Variants in PLXNA1 observed in about 807,000 individuals in gnomAD.
PLXNA1 encodes plexin-A1.
Under a neutral mutation model 191.7 loss-of-function variants are expected in PLXNA1, and 77 were observed. The ratio of observed to expected loss-of-function variants is 0.40; its 90% CI spans 0.33 to 0.49. The LOEUF (loss-of-function observed/expected upper bound fraction) is 0.49. PLXNA1 is among the 20% of genes least tolerant of loss of function. The pLI is 0.63. For synonymous variants in PLXNA1, 1,137 were observed against 1,156.4 expected (o/e 0.98, Z 0.34); for missense variants, 2,110 against 2,660.2 (o/e 0.79, Z 4.55).
chr3:126,989,335 T>C lies in PLXNA1; in HGVS notation c.742T>C (p.Tyr248His). Residue 248 changes from tyrosine (Y) to histidine (H), a missense_variant, in exon 2 of 32, where the codon TAC (tyrosine) becomes CAC (histidine). Transcript: ENST00000393409. ...CCCGGCCTTTGACATCTACTATGTG[T>C]ACAGCTTCCGCAGCGAGCAGTTTGT... ...KFPAFDIYYV[Y>H]SFRSEQFVYY... 6.2e-7 allele frequency: 1 copy of C among 1,613,668 alleles called. No homozygotes were observed. The highest frequency in any genetic ancestry group is 2.2e-5 in the East Asian group (1 of 44,886).
At chr3:126,987,845 G>T (rs2078967391) in intron 1 of PLXNA1, among the ~76,000 whole-genome samples, 1 of 152,156 alleles carries the variant, frequency 6.6e-6, no homozygotes, top group African/African-American at 2.4e-5. Flanking sequence ...AGGTCTCAAG[G>T]TTTATCCAGC....
rs1274250786 is a variant in PLXNA1 at position 127,007,899 on chromosome 3, G to A, written c.2098G>A (p.Val700Ile). ...VADCAFLEGRVNVSEDCPQIL... is the reference protein window; with the variant it reads ...VADCAFLEGRINVSEDCPQIL... ...TGACTGCGCCTTCCTGGAGGGCCGT[G>A]TCAACGTGTCTGAGGTAAGGCCGGG... The change falls in exon 9 of 32, where the codon GTC (valine) becomes ATC (isoleucine). Residue 700 changes from valine (V) to isoleucine (I), a missense_variant. Transcript: ENST00000393409. 15 of 1,610,346 alleles carry A rather than the reference G, an allele frequency of 9.3e-6. No homozygotes were observed. Among genetic ancestry groups the A allele is most frequent in the Non-Finnish European group, 1.2e-5 (14 of 1,177,866 alleles).
chr3:127,018,176 C>T lies in PLXNA1; in HGVS notation c.3661-118C>T, dbSNP rs562914100. On this transcript the variant is annotated intron_variant, in intron 19 of 31. Transcript: ENST00000393409. ...CCACCCTGGTGACCACTCTGTGCCC[C>T]TGTCGGTGGGACCTTTCCCACAGGC... The T allele has an allele frequency of 6.0e-6, 6 of 1,006,870 alleles. No homozygotes were observed. In the Admixed American group the frequency reaches 9.6e-5, roughly 16 times the overall value. The allele number at this position is 1,006,870 out of a possible 1,614,324, so 62.4% of individuals were successfully genotyped here.
chr3:127,005,357 T>A (rs923494024), intron 7 of PLXNA1, 114 bp downstream of exon 7: 17 of 1,312,368 alleles, frequency 1.3e-5, no homozygotes, highest in Non-Finnish European at 1.7e-5. Flanking sequence ...TTGGTGACAC[T>A]CTGACAGCTG....
chr3:127,014,726 CGGG>C lies in PLXNA1; in HGVS notation c.2774_2776del (p.Gly925del). ...CTGCCCACAGGATCGTCTGTGAGAT[CGGG>C]GACGCCAGCTCCGTGCGTGCCCATG... is the stretch of plus-strand genomic sequence containing the variant. On this transcript the variant is annotated inframe_deletion, in exon 14 of 32. Coordinates refer to ENST00000393409, the MANE Select transcript of PLXNA1 (RefSeq NM_032242.4). The C allele has an allele frequency of 6.2e-7, 1 of 1,611,618 alleles. No individual in the cohort carries two copies. The highest frequency in any genetic ancestry group is 8.5e-7 in the Non-Finnish European group (1 of 1,179,638).
At chr3:126,996,569 C>T (rs1391125136) in intron 3 of PLXNA1, among the ~76,000 whole-genome samples, 1 of 152,110 alleles carries the variant, frequency 6.6e-6, no homozygotes, top group Non-Finnish European at 1.5e-5. Flanking sequence ...GGTAGGAGAC[C>T]GTCCTGAAAG....
At chr3:126,998,532 A>G (rs1283781428) in intron 3 of PLXNA1, among the ~76,000 whole-genome samples, 3 of 152,064 alleles carry the variant, frequency 2.0e-5, no homozygotes, top group Admixed American at 1.3e-4. Flanking sequence ...GGTGCAGTCT[A>G]TGGTGGTTCA....
intron 25 of PLXNA1, 39 bp downstream of exon 25, chr3:127,028,379 G>A (rs1410372930): frequency 6.9e-6 from 11 of 1,584,086 alleles, no homozygotes; most frequent in African/African-American, 1.3e-5. Flanking sequence ...GGTGTGTGCT[G>A]GAGCAGAGGG....
intron 29 of PLXNA1, among the ~76,000 whole-genome samples, chr3:127,031,645 AC>A (rs2079211688): frequency 6.6e-6 from 1 of 151,964 alleles, no homozygotes; most frequent in South Asian, 2.1e-4. Context: ...AGCCACCCCA[AC>A]CTGTCCCAGC....
At chr3:127,024,370 T>C (rs911227323) in intron 23 of PLXNA1, among the ~76,000 whole-genome samples, 1 of 152,126 alleles carries the variant, frequency 6.6e-6, no homozygotes, top group Non-Finnish European at 1.5e-5. Context: ...GGAGGGGTTG[T>C]CTTTAGGCCG....
At chr3:126,995,260 CT>C (rs965338869) in intron 3 of PLXNA1, among the ~76,000 whole-genome samples, 8 of 152,188 alleles carry the variant, frequency 5.3e-5, no homozygotes, top group African/African-American at 1.7e-4. Flanking sequence ...GCCTCTCCCC[CT>C]GGGGTGCCTC....
At chr3:127,023,745 C>G (rs1472624653) in intron 23 of PLXNA1, among the ~76,000 whole-genome samples, 7 of 152,168 alleles carry the variant, frequency 4.6e-5, no homozygotes, top group Admixed American at 4.6e-4. Context: ...GCCAGACATC[C>G]TCGCTGCCGG....
At chr3:127,033,230 G>A (rs527587099) in intron 31 of PLXNA1, among the ~76,000 whole-genome samples, 1 of 152,000 alleles carries the variant, frequency 6.6e-6, no homozygotes, top group African/African-American at 2.4e-5. Context: ...CTTTTCTGCT[G>A]ACTTGGAGTG....
intron 22 of PLXNA1, among the ~76,000 whole-genome samples, 199 bp downstream of exon 22, chr3:127,022,540 C>T (rs1386990033): frequency 2.0e-5 from 3 of 152,176 alleles, no homozygotes; most frequent in Non-Finnish European, 4.4e-5. Context: ...TCCATACACA[C>T]AGGCCTGGGC....
rs73196573 is a variant in PLXNA1 at position 127,028,347 on chromosome 3, G to A, written c.4669+7G>A. ...GCCGCGGACATGGACCTGGGTGAGC[G>A]GGCGGGGCCACGGCTGCCCGGGGTG... On this transcript the variant is annotated splice_region_variant and intron_variant, in intron 25 of 31. Transcript: ENST00000393409. 0.011 allele frequency: 16,886 copies of A among 1,607,656 alleles called. 116 individuals carry two copies. Among genetic ancestry groups the A allele is most frequent in the Non-Finnish European group, 0.013 (15,426 of 1,178,384 alleles).
At chr3:127,014,931 T>C in intron 14 of PLXNA1, 100 bp downstream of exon 14, 1 of 1,504,354 alleles carries the variant, frequency 6.6e-7, no homozygotes, top group Non-Finnish European at 8.9e-7. Context: ...CTGGCCATGC[T>C]CTGCCACTGC....
intron 26 of PLXNA1, 44 bp downstream of exon 26, chr3:127,029,140 T>C: frequency 6.8e-7 from 1 of 1,474,322 alleles, no homozygotes; most frequent in Non-Finnish European, 9.5e-7. Flanking sequence ...TCCCTCCCCT[T>C]GGGGCTTCCA....
rs1185434745 is a variant in PLXNA1, at chr3:126,983,131, G to A, written c.-230G>A. ...CGGCGCCCCATTCATGCTGGGCATC[G>A]GCTGCGCGGCCACGCAGCGGAGCCC... On this transcript the variant is annotated 5_prime_UTR_variant, in exon 1 of 32. Coordinates refer to ENST00000393409, the MANE Select transcript of PLXNA1 (RefSeq NM_032242.4). Among the ~76,000 whole-genome samples the A allele has an allele frequency of 6.9e-6, 1 of 145,552 alleles. No homozygotes were observed. The highest frequency in any genetic ancestry group is 2.5e-5 in the African/African-American group (1 of 40,660).
intron 15 of PLXNA1, 66 bp downstream of exon 15, chr3:127,015,386 C>G: frequency 1.3e-6 from 2 of 1,545,326 alleles, no homozygotes; most frequent in East Asian, 2.3e-5. Flanking sequence ...GTTGCATGCC[C>G]CTTCTTGTTG....
Sources: allele counts gnomAD v4.1 joint callset (sites outside exome capture counted in the v4.1 genomes callset), GRCh38; gene constraint gnomAD v4.1.1; transcripts MANE v1.5; gene names NCBI Gene and HGNC (gene_info 2026-07-23, HGNC 2026-07-21).